The following SLC41A2 variants were observed in gnomAD, a reference collection of about 807,000 sequenced individuals.
SLC41A2 encodes the protein solute carrier family 41 member 2.
A neutral mutation model predicts 58.3 loss-of-function variants in SLC41A2; 32 were observed. That is an observed-to-expected ratio of 0.55 (90% CI 0.41 to 0.74). The LOEUF (loss-of-function observed/expected upper bound fraction) is 0.74, where lower values mean the gene tolerates loss of function less well. SLC41A2 is among the 30% of genes least tolerant of loss of function. The pLI is 0.00. For synonymous variants in SLC41A2, 190 were observed against 235.0 expected (o/e 0.81, Z 1.75); for missense variants, 514 against 680.6 (o/e 0.76, Z 2.72).
chr12:104,900,732 A>G (rs1565886098), intron 3 of SLC41A2, among the ~76,000 whole-genome samples: 1 of 152,242 alleles, frequency 6.6e-6, no homozygotes, highest in Non-Finnish European at 1.5e-5. Flanking sequence ...TAACAAGAAC[A>G]TGGAGAATTA....
In SLC41A2 at chr12:104,927,982, AT is replaced by A; in HGVS notation, c.545del (p.Asp182ValfsTer2). On this transcript the variant is annotated frameshift_variant, in exon 2 of 11. Coordinates refer to ENST00000258538, the MANE Select transcript of SLC41A2 (RefSeq NM_001352171.3). LOFTEE classifies it high-confidence loss of function. ...FGTVSAGMVLDIVQHWEVFRK... is the reference protein window; with the variant it reads ...FGTVSAGMVLXIVQHWEVFRK... The stretch of plus-strand genomic sequence containing the variant: ...AAAGATGAAAACCCACCTGTACTAT[AT>A]CCAGTACCATGCCAGCTGAAACTGT... 6.2e-7 allele frequency: 1 copy of A among 1,604,708 alleles called. No individual in the cohort carries two copies. The highest frequency in any genetic ancestry group is 1.3e-5 in the African/African-American group (1 of 74,924).
At chr12:104,814,874 C>T (rs1365160046) in intron 10 of SLC41A2, among the ~76,000 whole-genome samples, 1 of 152,212 alleles carries the variant, frequency 6.6e-6, no homozygotes, top group Non-Finnish European at 1.5e-5. Context: ...TGTCACTTCT[C>T]TGATCCCTCA....
At chr12:104,867,921 A>G (rs116962359) in intron 6 of SLC41A2, among the ~76,000 whole-genome samples, 2 of 151,780 alleles carry the variant, frequency 1.3e-5, no homozygotes, top group East Asian at 3.9e-4. Flanking sequence ...CAAATCCCAA[A>G]TTTTTATTTC....
At chr12:104,937,566 C>A (rs2047333907) in intron 1 of SLC41A2, among the ~76,000 whole-genome samples, 1 of 152,312 alleles carries the variant, frequency 6.6e-6, no homozygotes, top group Admixed American at 6.5e-5. Context: ...TGTTAGCATA[C>A]TCTATGATAC....
chr12:104,950,735 C>G (rs2047920965), intron 1 of SLC41A2, among the ~76,000 whole-genome samples: 1 of 152,148 alleles, frequency 6.6e-6, no homozygotes, highest in African/African-American at 2.4e-5. Context: ...ATATATAAAA[C>G]AGTTTTGTAA....
At chr12:104,861,039 T>G (rs2043196472) in intron 8 of SLC41A2, among the ~76,000 whole-genome samples, 1 of 152,172 alleles carries the variant, frequency 6.6e-6, no homozygotes, top group Admixed American at 6.6e-5. Flanking sequence ...TAATCTTAAG[T>G]CAGGTATACC....
chr12:104,954,316 T>C (rs752399790), intron 1 of SLC41A2, among the ~76,000 whole-genome samples: 3 of 152,228 alleles, frequency 2.0e-5, no homozygotes, highest in Non-Finnish European at 4.4e-5. Flanking sequence ...ATTTCTGTAT[T>C]TGTTATTTTT....
chr12:104,834,750 T>A (rs1279704573), intron 10 of SLC41A2, among the ~76,000 whole-genome samples: 1 of 151,956 alleles, frequency 6.6e-6, no homozygotes, highest in Non-Finnish European at 1.5e-5. Flanking sequence ...TTAAATATTA[T>A]AACTGCTGTG....
intron 10 of SLC41A2, among the ~76,000 whole-genome samples, chr12:104,825,631 AATTCAGCAGGGCTC>A (rs2041814476): frequency 6.6e-6 from 1 of 152,302 alleles, no homozygotes; most frequent in South Asian, 2.1e-4. Flanking sequence ...GAGAACTGCA[AATTCAGCAGGGCTC>A]ATTTGAGACA....
chr12:104,831,826 T>G (rs1367124570), intron 10 of SLC41A2, among the ~76,000 whole-genome samples: 2 of 152,162 alleles, frequency 1.3e-5, no homozygotes, highest in Admixed American at 1.3e-4. Context: ...GAATAAGACA[T>G]AGTTATTGCT....
intron 8 of SLC41A2, among the ~76,000 whole-genome samples, chr12:104,854,570 C>A (rs74944994): frequency 4.4e-4 from 62 of 140,890 alleles, no homozygotes; most frequent in South Asian, 7.0e-4. Context: ...CTCAAAAAAA[C>A]AAAAAAAAAA....
intron 10 of SLC41A2, among the ~76,000 whole-genome samples, chr12:104,840,961 T>G (rs1404366432): frequency 2.0e-5 from 3 of 151,952 alleles, no homozygotes; most frequent in Non-Finnish European, 4.4e-5. Flanking sequence ...TGATATACTC[T>G]GAAAAAAAAA....
In SLC41A2 at chr12:104,803,168, T is replaced by C. The variant is rs944798900; in HGVS notation, c.*1984A>G. The C allele has an allele frequency of 1.3e-5, 2 of 152,150 alleles. No homozygotes were observed. Among genetic ancestry groups the C allele is most frequent in the African/African-American group, 4.8e-5 (2 of 41,440 alleles). 9.4% of individuals were successfully genotyped at this position (152,150 alleles called of 1,614,324 possible). On this transcript the variant is annotated 3_prime_UTR_variant, in exon 11 of 11. Transcript: ENST00000258538. ...TTTTTAAAAATCAAAATAGAAATCA[T>C]TGGGAAATGTAAATGTTTATGAATC...
rs1465396781 is a variant in SLC41A2 at position 104,805,044 on chromosome 12, T to C, written c.*108A>G. On this transcript the variant is annotated 3_prime_UTR_variant, in exon 11 of 11. Transcript: ENST00000258538. ...TAATTGAATCAGGGCCAACTGAAGA[T>C]TACCCTGGCAAAAGTCAAACTACTG... The C allele has an allele frequency of 2.3e-5, 23 of 994,914 alleles. No homozygotes were observed. Among genetic ancestry groups the C allele is most frequent in the Non-Finnish European group, 3.0e-5 (21 of 696,742 alleles). The allele number at this position is 994,914 out of a possible 1,614,324, so 61.6% of individuals were successfully genotyped here. A position where few individuals can be genotyped will look rare whatever the true frequency, so the allele number is the denominator to read the frequency against.
intron 8 of SLC41A2, among the ~76,000 whole-genome samples, chr12:104,849,967 T>G (rs188833643): frequency 6.6e-5 from 10 of 152,352 alleles, no homozygotes; most frequent in Admixed American, 2.0e-4. Flanking sequence ...GAAAGAAGTA[T>G]GAAATCAAGA....
At chr12:104,939,501 C>A (rs538231806) in intron 1 of SLC41A2, among the ~76,000 whole-genome samples, 1 of 152,124 alleles carries the variant, frequency 6.6e-6, no homozygotes, top group African/African-American at 2.4e-5. Context: ...CCATGCCCAG[C>A]CATAAAATTG....
chr12:104,809,381 T>G (rs1179641015), intron 10 of SLC41A2, among the ~76,000 whole-genome samples: 1 of 138,186 alleles, frequency 7.2e-6, no homozygotes, highest in Non-Finnish European at 1.6e-5. Flanking sequence ...TCTAACACCT[T>G]TACCAGGAAG....
chr12:104,922,269 G>A (rs1041774304), intron 2 of SLC41A2, among the ~76,000 whole-genome samples: 2 of 152,088 alleles, frequency 1.3e-5, no homozygotes, highest in African/African-American at 2.4e-5. Context: ...CTGCCTACAA[G>A]AAACCCACTT....
intron 1 of SLC41A2, among the ~76,000 whole-genome samples, chr12:104,940,020 AT>A (rs993480374): frequency 1.0e-4 from 15 of 148,544 alleles, no homozygotes; most frequent in Admixed American, 4.7e-4. Flanking sequence ...TATTATTATT[AT>A]TTTTTTTTTG....
Sources: gnomAD v4.1 joint callset for allele counts (sites outside exome capture counted in the v4.1 genomes callset) on GRCh38, gnomAD v4.1.1 for gene constraint, MANE v1.5 for transcripts, NCBI Gene and HGNC (gene_info 2026-07-23, HGNC 2026-07-21) for gene names.